The following DCUN1D4 variants were observed in gnomAD, a reference collection of about 807,000 sequenced individuals.
DCUN1D4 encodes the protein defective in cullin neddylation 1 domain containing 4, also known as DCN1-like protein 4.
DCUN1D4 carries 22 observed loss-of-function variants against 47.9 expected under a neutral mutation model. That is an observed-to-expected ratio of 0.46 (90% CI 0.33 to 0.66). The LOEUF (loss-of-function observed/expected upper bound fraction) is 0.66, where lower values mean the gene tolerates loss of function less well. Among genes scored for constraint, DCUN1D4 ranks in the 30% least tolerant of loss-of-function variants. The probability of loss-of-function intolerance (pLI) is 0.02; values close to 1 mark genes in which losing one functional copy is unlikely to be tolerated. For missense variants in DCUN1D4, 301 were observed against 340.8 expected, an observed-to-expected ratio of 0.88 and a Z score of 0.92; for synonymous variants, 121 against 112.2, an observed-to-expected ratio of 1.08 and a Z score of -0.50.
intron 1 of DCUN1D4, among the ~76,000 whole-genome samples, chr4:51,853,949 C>T (rs1309174969): frequency 6.6e-6 from 1 of 152,156 alleles, no homozygotes; most frequent in Non-Finnish European, 1.5e-5. Context: ...CACAGTGCAG[C>T]ATTAACTCAT....
chr4:51,855,284 TG>T (rs1057441047), intron 1 of DCUN1D4, among the ~76,000 whole-genome samples: 1 of 152,140 alleles, frequency 6.6e-6, no homozygotes, highest in Non-Finnish European at 1.5e-5. Context: ...TAATAAAAAA[TG>T]TTTTATTATT....
intron 1 of DCUN1D4, chr4:51,843,622 G>A: frequency 7.9e-7 from 1 of 1,262,148 alleles, no homozygotes; most frequent in Non-Finnish European, 9.9e-7. Context: ...TAGCGGGCAG[G>A]GCCGGGGATG....
chr4:51,881,746 T>G (rs1028264165), intron 5 of DCUN1D4, among the ~76,000 whole-genome samples: 4 of 152,096 alleles, frequency 2.6e-5, no homozygotes, highest in Admixed American at 6.5e-5. Flanking sequence ...AGTGGTGTAT[T>G]TGTTAGCTTG....
At chr4:51,837,380 A>C in the DCUN1D4 span, among the ~76,000 whole-genome samples, 21 of 152,336 alleles carry the variant, frequency 1.4e-4, no homozygotes, top group East Asian at 3.7e-3. Flanking sequence ...GTGTTAAGAA[A>C]TCTTAGGCCG....
Position 51,911,180 on chromosome 4 carries a change from A to G in DCUN1D4, c.720+6A>G. On this transcript the variant is annotated splice_donor_region_variant and intron_variant, in intron 9 of 10. Transcript: ENST00000334635. Reference sequence around the variant, plus strand: ...TTTTTCACCAATTCTTAGAGGTACCAAATTGTTGTTTTATGAAATGTATGT... The same window carrying G: ...TTTTTCACCAATTCTTAGAGGTACCGAATTGTTGTTTTATGAAATGTATGT... The G allele has an allele frequency of 6.2e-7, 1 of 1,605,786 alleles. No homozygotes were observed. Among genetic ancestry groups the G allele is most frequent in the Non-Finnish European group, 8.5e-7 (1 of 1,175,700 alleles).
intron 1 of DCUN1D4, among the ~76,000 whole-genome samples, chr4:51,846,780 G>T (rs149144833): frequency 1.5e-4 from 23 of 152,322 alleles, no homozygotes; most frequent in African/African-American, 5.5e-4. Context: ...AGCTGGTGCA[G>T]TGGCTTAATG....
intron 1 of DCUN1D4, among the ~76,000 whole-genome samples, chr4:51,853,462 C>T (rs2109835581): frequency 6.6e-6 from 1 of 152,296 alleles, no homozygotes; most frequent in East Asian, 1.9e-4. Context: ...CAATCTTTTT[C>T]CTGGACCTTG....
At chr4:51,895,114 A>C (rs762717014) in intron 7 of DCUN1D4, among the ~76,000 whole-genome samples, 1 of 151,916 alleles carries the variant, frequency 6.6e-6, no homozygotes, top group African/African-American at 2.4e-5. Context: ...TTTTGATACC[A>C]TCATCTTGGG....
intron 3 of DCUN1D4, among the ~76,000 whole-genome samples, chr4:51,869,168 TAAAAA>T (rs1330837223): frequency 1.8e-5 from 1 of 55,992 alleles, no homozygotes; most frequent in Non-Finnish European, 3.6e-5. Context: ...GGACCAAAAA[TAAAAA>T]AAATAAAAAA....
chr4:51,874,182 A>G (rs1354183914), intron 3 of DCUN1D4, 89 bp from the exon 4 acceptor site: 7 of 702,280 alleles, frequency 1.0e-5, no homozygotes, highest in Non-Finnish European at 1.6e-5. Flanking sequence ...AAGCTGTGGA[A>G]GTGTTTAAAT....
the DCUN1D4 span, among the ~76,000 whole-genome samples, chr4:51,834,686 G>A: frequency 3.3e-5 from 5 of 152,244 alleles, no homozygotes; most frequent in African/African-American, 1.2e-4. Flanking sequence ...GAAAATGGGA[G>A]CAGTCTGTCC....
At position 51,913,904 on chromosome 4, in the gene DCUN1D4, A is replaced by G. The variant is rs781655605; in HGVS notation, c.*320A>G. On this transcript the variant is annotated 3_prime_UTR_variant, in exon 11 of 11. Coordinates refer to ENST00000334635, the MANE Select transcript of DCUN1D4 (RefSeq NM_001040402.3). ...AAGGTTCACCTAGAGATTATTTCTG[A>G]AAAATGTATTGTAAAAATAATTTTG... 1.9e-4 allele frequency: 47 copies of G among 247,086 alleles called. No homozygotes were observed. Among genetic ancestry groups the G allele is most frequent in the Non-Finnish European group, 3.1e-4 (40 of 130,880 alleles). 15.3% of individuals were successfully genotyped at this position (247,086 alleles called of 1,614,324 possible).
At chr4:51,863,611 G>A (rs1229424845) in intron 2 of DCUN1D4, 59 bp from the exon 3 acceptor site, 5 of 1,594,332 alleles carry the variant, frequency 3.1e-6, no homozygotes, top group Non-Finnish European at 4.3e-6. Flanking sequence ...GATATCAGTT[G>A]TTTATGAAAA....
intron 1 of DCUN1D4, among the ~76,000 whole-genome samples, chr4:51,851,442 C>T (rs1197085445): frequency 6.6e-6 from 1 of 152,040 alleles, no homozygotes; most frequent in Non-Finnish European, 1.5e-5. Flanking sequence ...CAGGTGGGAG[C>T]TTTCCAAGCC....
At chr4:51,889,270 A>G (rs1051312947) in intron 6 of DCUN1D4, among the ~76,000 whole-genome samples, 6 of 152,232 alleles carry the variant, frequency 3.9e-5, no homozygotes, top group Non-Finnish European at 5.9e-5. Flanking sequence ...TTCCCATTTC[A>G]GAGACATTAA....
At chr4:51,839,783 A>G (rs1025380414), upstream of DCUN1D4, among the ~76,000 whole-genome samples, 2 of 152,214 alleles carry the variant, frequency 1.3e-5, no homozygotes, top group Non-Finnish European at 2.9e-5. Context: ...ACTTATTTTC[A>G]GTCTCAAGAA....
chr4:51,911,136 A>C lies in DCUN1D4; in HGVS notation c.682A>C (p.Ile228Leu), dbSNP rs1157874444. The C allele has an allele frequency of 1.2e-6, 2 of 1,612,424 alleles. No homozygotes were observed. The highest frequency in any genetic ancestry group is 8.5e-7 in the Non-Finnish European group (1 of 1,179,498). The change falls in exon 9 of 11, where the codon ATC becomes CTC. Residue 228 changes from isoleucine to leucine, a missense_variant. Ile to Leu is a conservative substitution (Grantham distance 5). Around this residue, in one of 2 missense-constraint regions of DCUN1D4, gnomAD observed 170 missense variants for 234.5 expected, o/e 0.73. Coordinates refer to ENST00000334635, the MANE Select transcript of DCUN1D4 (RefSeq NM_001040402.3). ...KCMLGLLLGK[I>L]WPLFPVFHQF... ...CATGTTGGGACTGTTATTAGGAAAA[A>C]TCTGGCCCCTTTTTCCAGTTTTTCA...
intron 7 of DCUN1D4, among the ~76,000 whole-genome samples, chr4:51,898,664 TGG>T (rs1362408216): frequency 2.6e-5 from 4 of 152,216 alleles, no homozygotes; most frequent in Admixed American, 2.6e-4. Context: ...TCAGAAGTGT[TGG>T]ATCTAAATAT....
At chr4:51,854,032 T>A (rs538030914) in intron 1 of DCUN1D4, among the ~76,000 whole-genome samples, 164 of 152,342 alleles carry the variant, frequency 1.1e-3, no homozygotes, top group African/African-American at 3.8e-3. Flanking sequence ...TTCCTACTTG[T>A]AGCCATGAAG....
Sources: gnomAD v4.1 joint callset for allele counts (sites outside exome capture counted in the v4.1 genomes callset) on GRCh38, gnomAD v4.1.1 for gene constraint, gnomAD v4.1.1 regional missense constraint, MANE v1.5 for transcripts, NCBI Gene and HGNC (gene_info 2026-07-23, HGNC 2026-07-21) for gene names.